The following HS6ST3 variants were observed in gnomAD, a reference collection of about 807,000 sequenced individuals.
The protein encoded by HS6ST3 is heparan sulfate 6-O-sulfotransferase 3.
In HS6ST3, 12 loss-of-function variants were observed where a neutral mutation model predicts 36.7. The ratio of observed to expected loss-of-function variants is 0.33; its 90% CI spans 0.21 to 0.53. The LOEUF (loss-of-function observed/expected upper bound fraction) is 0.53. Ranked by LOEUF, HS6ST3 falls within the 20% of genes least tolerant of loss-of-function variation. The pLI is 0.95. For synonymous variants in HS6ST3, 240 were observed against 257.5 expected (o/e 0.93, Z 0.65); for missense variants, 584 against 640.9 (o/e 0.91, Z 0.96).
chr13:96,122,827 G>C (rs970221711), intron 1 of HS6ST3, among the ~76,000 whole-genome samples: 5 of 152,148 alleles, frequency 3.3e-5, no homozygotes, highest in African/African-American at 1.2e-4. Context: ...GCTTCTGGGG[G>C]ACAGACCTGC....
At chr13:96,534,103 C>CCACAGA (rs1425638867) in intron 1 of HS6ST3, among the ~76,000 whole-genome samples, 1 of 152,182 alleles carries the variant, frequency 6.6e-6, no homozygotes, top group East Asian at 1.9e-4. Context: ...GGAAATAAGA[C>CCACAGA]CACAGACACA....
intron 1 of HS6ST3, among the ~76,000 whole-genome samples, chr13:96,286,669 TTGTATTACCCAGAAA>T (rs994420554): frequency 6.6e-6 from 1 of 152,154 alleles, no homozygotes; most frequent in Non-Finnish European, 1.5e-5. Flanking sequence ...TTTGGGCAGT[TTGTATTACCCAGAAA>T]TGGCACCTTC....
intron 1 of HS6ST3, among the ~76,000 whole-genome samples, chr13:96,231,408 A>G (rs1010370177): frequency 3.9e-5 from 6 of 152,202 alleles, no homozygotes; most frequent in Non-Finnish European, 5.9e-5. Flanking sequence ...TGACGGTTCC[A>G]TAGGCTGTAC....
intron 1 of HS6ST3, among the ~76,000 whole-genome samples, chr13:96,139,760 T>C (rs2054021592): frequency 3.3e-5 from 5 of 152,034 alleles, no homozygotes; most frequent in South Asian, 2.1e-4. Flanking sequence ...TTCAACAAAA[T>C]AGTAATTGCC....
At chr13:96,419,898 T>C (rs2055554671) in intron 1 of HS6ST3, among the ~76,000 whole-genome samples, 1 of 152,176 alleles carries the variant, frequency 6.6e-6, no homozygotes, top group Non-Finnish European at 1.5e-5. Flanking sequence ...CATCTTAAAT[T>C]GATTGCACCT....
chr13:96,267,138 T>C lies in HS6ST3; in HGVS notation c.707+175569T>C, dbSNP rs539263630. Reference sequence around the variant, plus strand: ...AAAGGGCAGTTCTCCTGCACATGCTTTCTTGCCTGCCACCATGTAAGATGT... The same window carrying C: ...AAAGGGCAGTTCTCCTGCACATGCTCTCTTGCCTGCCACCATGTAAGATGT... On this transcript the variant is annotated intron_variant, in intron 1 of 1. Coordinates refer to ENST00000376705, the MANE Select transcript of HS6ST3 (RefSeq NM_153456.4). Among the ~76,000 whole-genome samples, 6 of 152,274 alleles carry C rather than the reference T, an allele frequency of 3.9e-5. No individual in the cohort carries two copies. In the South Asian group the frequency reaches 1.2e-3, roughly 32 times the overall value.
At chr13:96,399,171 C>G (rs948523790) in intron 1 of HS6ST3, among the ~76,000 whole-genome samples, 1 of 152,180 alleles carries the variant, frequency 6.6e-6, no homozygotes. Flanking sequence ...CTGATTTTGA[C>G]CAACCTTTGC....
At chr13:96,675,911 CT>C (rs1185732359) in intron 1 of HS6ST3, among the ~76,000 whole-genome samples, 2 of 152,110 alleles carry the variant, frequency 1.3e-5, no homozygotes, top group Non-Finnish European at 2.9e-5. Flanking sequence ...GTGAGCCAGT[CT>C]GTTTGGGTAG....
intron 1 of HS6ST3, among the ~76,000 whole-genome samples, chr13:96,810,204 C>G (rs1878288353): frequency 6.6e-6 from 1 of 152,174 alleles, no homozygotes. Context: ...ACCATGATGA[C>G]TTGTTTTGAA....
intron 1 of HS6ST3, among the ~76,000 whole-genome samples, chr13:96,572,959 T>C (rs919995862): frequency 6.6e-6 from 1 of 152,216 alleles, no homozygotes; most frequent in Non-Finnish European, 1.5e-5. Flanking sequence ...GAGTATGGTG[T>C]TTGCATTTAT....
chr13:96,572,062 G>C (rs1264668379), intron 1 of HS6ST3, among the ~76,000 whole-genome samples: 1 of 152,260 alleles, frequency 6.6e-6, no homozygotes, highest in Non-Finnish European at 1.5e-5. Context: ...AGAAAGCCTT[G>C]TAGAGGAGTG....
intron 1 of HS6ST3, among the ~76,000 whole-genome samples, chr13:96,243,746 T>G (rs1436464891): frequency 1.3e-5 from 2 of 152,152 alleles, no homozygotes; most frequent in African/African-American, 4.8e-5. Flanking sequence ...CTTTAAAAAA[T>G]TATGAGTTTA....
intron 1 of HS6ST3, among the ~76,000 whole-genome samples, chr13:96,172,916 C>T (rs2054195027): frequency 1.3e-5 from 2 of 152,142 alleles, no homozygotes; most frequent in South Asian, 4.1e-4. Flanking sequence ...TACATGTTAT[C>T]TCATTTAAAT....
At chr13:96,210,895 GTGT>G (rs1480118414) in intron 1 of HS6ST3, among the ~76,000 whole-genome samples, 1 of 151,338 alleles carries the variant, frequency 6.6e-6, no homozygotes. Context: ...CACCCAGCCA[GTGT>G]TGTTATCAGT....
At chr13:96,139,540 A>AG (rs1200313019) in intron 1 of HS6ST3, among the ~76,000 whole-genome samples, 1 of 92,058 alleles carries the variant, frequency 1.1e-5, no homozygotes, top group East Asian at 3.8e-4. Flanking sequence ...TGTAAGATTC[A>AG]GAAAAAAAAA....
intron 1 of HS6ST3, among the ~76,000 whole-genome samples, chr13:96,719,878 C>T (rs966501957): frequency 2.0e-5 from 3 of 152,170 alleles, no homozygotes; most frequent in African/African-American, 7.2e-5. Context: ...CTAATGTGTT[C>T]ATTTCTTCCT....
chr13:96,740,480 A>G (rs1262834095), intron 1 of HS6ST3, among the ~76,000 whole-genome samples: 3 of 152,242 alleles, frequency 2.0e-5, no homozygotes, highest in African/African-American at 7.2e-5. Context: ...TTATTTACAA[A>G]CAAATGTAAA....
chr13:96,161,864 A>G (rs2054137364), intron 1 of HS6ST3, among the ~76,000 whole-genome samples: 1 of 152,340 alleles, frequency 6.6e-6, no homozygotes, highest in Middle Eastern at 3.4e-3. Context: ...CATGAAAGAG[A>G]TCACCATTAG....
At chr13:96,258,396 A>G (rs1193979109) in intron 1 of HS6ST3, among the ~76,000 whole-genome samples, 1 of 152,192 alleles carries the variant, frequency 6.6e-6, no homozygotes, top group Non-Finnish European at 1.5e-5. Context: ...AGAAGTCTGA[A>G]CATTAGAAAA....
Sources: gnomAD v4.1 joint callset for allele counts (sites outside exome capture counted in the v4.1 genomes callset) on GRCh38, gnomAD v4.1.1 for gene constraint, MANE v1.5 for transcripts, NCBI Gene and HGNC (gene_info 2026-07-23, HGNC 2026-07-21) for gene names.